The following MIOS variants were observed in gnomAD, a reference collection of about 807,000 sequenced individuals.
MIOS encodes the protein GATOR2 complex protein MIOS.
In MIOS, 52 loss-of-function variants were observed where a neutral mutation model predicts 96.9. That is an observed-to-expected ratio of 0.54 (90% CI 0.43 to 0.68). The LOEUF (loss-of-function observed/expected upper bound fraction) is 0.68. Ranked by LOEUF, MIOS falls within the 30% of genes least tolerant of loss-of-function variation. MIOS has a pLI of 0.00. For missense variants in MIOS, 1,005 were observed against 1,052.8 expected (o/e 0.95, Z 0.63); for synonymous variants, 397 against 359.5 (o/e 1.10, Z -1.18).
At chr7:7,597,885 G>C (rs1052952116) in intron 11 of MIOS, among the ~76,000 whole-genome samples, 1 of 151,950 alleles carries the variant, frequency 6.6e-6, no homozygotes, top group African/African-American at 2.4e-5. Flanking sequence ...GGCTGGTCTT[G>C]AACTCCTGAA....
intron 6 of MIOS, among the ~76,000 whole-genome samples, chr7:7,584,932 A>C (rs1238554208): frequency 6.6e-6 from 1 of 152,188 alleles, no homozygotes; most frequent in Non-Finnish European, 1.5e-5. Context: ...ATGGGTCTAA[A>C]TGCAGTTCTG....
intron 11 of MIOS, among the ~76,000 whole-genome samples, chr7:7,597,196 C>G (rs1426236655): frequency 6.6e-6 from 1 of 151,506 alleles, no homozygotes; most frequent in Admixed American, 6.6e-5. Context: ...CGTGGTGGCA[C>G]ACACCTGTAG....
chr7:7,581,565 A>C (rs1380476484), intron 5 of MIOS, among the ~76,000 whole-genome samples: 1 of 152,120 alleles, frequency 6.6e-6, no homozygotes, highest in Non-Finnish European at 1.5e-5. Flanking sequence ...AATTGTATTT[A>C]TTTCTAGAGG....
At chr7:7,606,106 G>A in intron 12 of MIOS, 35 bp downstream of exon 12, 2 of 1,610,856 alleles carry the variant, frequency 1.2e-6, no homozygotes, top group Non-Finnish European at 1.7e-6. Flanking sequence ...TAGGCTTGGA[G>A]TTATGGGGGA....
chr7:7,584,652 G>C (rs1441771210), intron 6 of MIOS, among the ~76,000 whole-genome samples: 1 of 151,912 alleles, frequency 6.6e-6, no homozygotes, highest in Non-Finnish European at 1.5e-5. Flanking sequence ...AAGCTGTTAA[G>C]AACATAAAGT....
chr7:7,582,642 G>C (rs1447549428), intron 5 of MIOS: 2 of 978,838 alleles, frequency 2.0e-6, no homozygotes, highest in East Asian at 2.3e-4. Context: ...AAAGAAGGAA[G>C]AAAGCAAGAT....
chr7:7,606,103 G>C, intron 12 of MIOS, 32 bp downstream of exon 12: 1 of 1,610,664 alleles, frequency 6.2e-7, no homozygotes, highest in Non-Finnish European at 8.5e-7. Context: ...TGATAGGCTT[G>C]GAGTTATGGG....
rs1390520787 is a variant in MIOS at position 7,572,843 on chromosome 7, C to T, written c.368C>T (p.Pro123Leu). 1 of 1,614,112 alleles carries T rather than the reference C, an allele frequency of 6.2e-7. No individual in the cohort carries two copies. Among genetic ancestry groups the T allele is most frequent in the Non-Finnish European group, 8.5e-7 (1 of 1,180,002 alleles). The change falls in exon 4 of 13, where the codon CCA becomes CTA. Residue 123 changes from proline (P) to leucine (L), a missense_variant. Coordinates refer to ENST00000340080, the MANE Select transcript of MIOS (RefSeq NM_019005.4). The surrounding 1 kb of genome is among the most constrained non-coding windows in gnomAD (Gnocchi z 4.8). ...ARQCNTLAWN[P>L]LDSNWLAAGL... ...CAATGTAATACCCTTGCCTGGAATC[C>T]ACTGGATAGTAACTGGCTAGCTGCT... is the stretch of plus-strand genomic sequence containing the variant.
intron 10 of MIOS, among the ~76,000 whole-genome samples, 188 bp from the exon 11 acceptor site, chr7:7,596,069 A>G (rs3815229): frequency 0.61 from 92,556 of 151,994 alleles, 29,537 homozygotes; most frequent in Admixed American, 0.72. Flanking sequence ...AAAAGGAAGT[A>G]CCCCAAAAAT....
chr7:7,593,869 A>G (rs1247523687), intron 9 of MIOS, among the ~76,000 whole-genome samples: 1 of 133,370 alleles, frequency 7.5e-6, no homozygotes, highest in Admixed American at 8.2e-5. Context: ...ACAGAGTGAG[A>G]CTCTGTCTCC....
chr7:7,589,656 A>G, intron 9 of MIOS, 93 bp downstream of exon 9: 1 of 1,390,282 alleles, frequency 7.2e-7, no homozygotes, highest in South Asian at 1.5e-5. Context: ...TTGCTTGCTT[A>G]GGATCTTTAG....
At chr7:7,571,421 A>C (rs1443254378) in intron 3 of MIOS, among the ~76,000 whole-genome samples, 1 of 152,174 alleles carries the variant, frequency 6.6e-6, no homozygotes, top group African/African-American at 2.4e-5. Context: ...GTATGTGTGT[A>C]CCACTGGTCA....
intron 7 of MIOS, 119 bp from the exon 8 acceptor site, chr7:7,588,379 C>T: frequency 2.1e-6 from 1 of 485,462 alleles, no homozygotes; most frequent in Non-Finnish European, 3.4e-6. Flanking sequence ...ATAAATATAA[C>T]TTATTAATAA....
In MIOS at chr7:7,595,331, C is replaced by A. The variant is rs78904568; in HGVS notation, c.2196+199C>A. Among the ~76,000 whole-genome samples the A allele has an allele frequency of 4.8e-4, 73 of 152,234 alleles. No individual in the cohort carries two copies. The East Asian group carries it at 0.013, about 28-fold the overall frequency. ...TCATCTCAGTGGCTTGAGCTTTAGT[C>A]GCAGATAGAACAAACCACAGCAGGC... On this transcript the variant is annotated intron_variant, in intron 10 of 12. Coordinates refer to ENST00000340080, the MANE Select transcript of MIOS (RefSeq NM_019005.4).
At chr7:7,603,955 C>G (rs1036337023) in intron 11 of MIOS, among the ~76,000 whole-genome samples, 1 of 151,782 alleles carries the variant, frequency 6.6e-6, no homozygotes, top group African/African-American at 2.4e-5. Context: ...AGCAAACTAT[C>G]GCAAGGACAA....
chr7:7,581,732 G>C (rs1160240295), intron 5 of MIOS: 1 of 152,142 alleles, frequency 6.6e-6, no homozygotes, highest in Admixed American at 6.5e-5. Flanking sequence ...CCTTCTCACA[G>C]ACCCTCTCAG....
chr7:7,570,372 A>G (rs1380993827), intron 3 of MIOS, among the ~76,000 whole-genome samples: 1 of 152,106 alleles, frequency 6.6e-6, no homozygotes, highest in Non-Finnish European at 1.5e-5. Context: ...GAAATGCTAA[A>G]GAAGGAAATA....
intron 11 of MIOS, chr7:7,605,263 C>A (rs1041316768): frequency 6.6e-6 from 1 of 151,216 alleles, no homozygotes; most frequent in African/African-American, 2.4e-5. Context: ...TTTGAAAGGG[C>A]TTGTACAGAT....
At chr7:7,589,653 C>A in intron 9 of MIOS, 90 bp downstream of exon 9, 2 of 1,402,272 alleles carry the variant, frequency 1.4e-6, no homozygotes, top group South Asian at 1.5e-5. Context: ...CTTTTGCTTG[C>A]TTAGGATCTT....
Sources: allele counts gnomAD v4.1 joint callset (sites outside exome capture counted in the v4.1 genomes callset), GRCh38; gene constraint gnomAD v4.1.1; non-coding constraint Gnocchi (gnomAD v3.1); transcripts MANE v1.5; gene names NCBI Gene and HGNC (gene_info 2026-07-23, HGNC 2026-07-21).